The following HES1 variants were observed in gnomAD, a reference collection of about 807,000 sequenced individuals.
HES1 encodes transcription factor HES-1.
Under a neutral mutation model 21.0 loss-of-function variants are expected in HES1, and 7 were observed. That is an observed-to-expected ratio of 0.33 (90% CI 0.19 to 0.63). The LOEUF (loss-of-function observed/expected upper bound fraction) is 0.63. Among genes scored for constraint, HES1 ranks in the 20% least tolerant of loss-of-function variants. HES1 has a pLI of 0.78. For synonymous variants in HES1, 169 were observed against 171.2 expected, an observed-to-expected ratio of 0.99 and a Z score of 0.10; for missense variants, 338 against 389.8, an observed-to-expected ratio of 0.87 and a Z score of 1.12.
At chr3:194,136,571 G>A (rs765207361) in intron 1 of HES1, 46 bp from the exon 2 acceptor site, 1 of 1,575,870 alleles carries the variant, frequency 6.3e-7, no homozygotes, top group South Asian at 1.1e-5. Context: ...GAAACCCCGG[G>A]ATGGCAGATT....
At position 194,138,483 on chromosome 3, in the gene HES1, A is replaced by C; in HGVS notation, c.*250A>C. ...CCTTTGTATTATAAAAGCTCAGATG[A>C]CATTTCGTTTTTTACACGAGATTTC... On this transcript the variant is annotated 3_prime_UTR_variant, in exon 4 of 4. Transcript: ENST00000232424. The C allele has an allele frequency of 2.7e-6, 1 of 375,776 alleles. No individual in the cohort carries two copies. The highest frequency in any genetic ancestry group is 3.9e-5 in the East Asian group (1 of 25,666). The allele number at this position is 375,776 out of a possible 1,614,324, so 23.3% of individuals were successfully genotyped here.
rs768393487 is a variant in HES1, at chr3:194,136,695, G to A, written c.187G>A (p.Asp63Asn). The change falls in exon 2 of 4, where the codon GAT becomes AAT. Residue 63 changes from aspartate (D) to asparagine (N), a missense_variant. Asp to Asn is a conservative substitution (Grantham distance 23, BLOSUM62 1). Transcript: ENST00000232424. ...SLSQLKTLILDALKKDSSRHS... is the reference protein window; with the variant it reads ...SLSQLKTLILNALKKDSSRHS... ...GAGCCAGCTGAAAACACTGATTTTGGATGCTCTGAAGAAAGATGTAAGTGG... is the reference window on the plus strand; with the variant it reads ...GAGCCAGCTGAAAACACTGATTTTGAATGCTCTGAAGAAAGATGTAAGTGG... 6.2e-7 allele frequency: 1 copy of A among 1,613,396 alleles called. No individual in the cohort carries two copies. The highest frequency in any genetic ancestry group is 1.7e-5 in the Admixed American group (1 of 60,012).
At position 194,138,149 on chromosome 3, in the gene HES1, C is replaced by A. The variant is rs1277913928; in HGVS notation, c.759C>A (p.Gly253=). 6.2e-7 allele frequency: 1 copy of A among 1,612,614 alleles called. No homozygotes were observed. The highest frequency in any genetic ancestry group is 2.2e-5 in the East Asian group (1 of 44,838). The change falls in exon 4 of 4, where the codon GGC becomes GGA. Residue 253 remains glycine (G), a synonymous_variant. Transcript: ENST00000232424. ...TCCCCGTCTACACCAGCAACAGCGGCACCTCCGTGGGCCCCAACGCAGTGT... is the reference window on the plus strand; with the variant it reads ...TCCCCGTCTACACCAGCAACAGCGGAACCTCCGTGGGCCCCAACGCAGTGT... The part of the protein sequence containing the change: ...PVIPVYTSNS[G]TSVGPNAVSP...
chr3:194,136,361 A>AC lies in HES1; in HGVS notation c.-20_-19insC. Reference sequence around the variant, plus strand: ...CCAAAAATAAAATTCTCTAGAGATAAAAAAAAAAAAAAAAGGAAAATGCCA... The same window carrying AC: ...CCAAAAATAAAATTCTCTAGAGATAACAAAAAAAAAAAAAAGGAAAATGCCA... On this transcript the variant is annotated 5_prime_UTR_variant, in exon 1 of 4. Transcript: ENST00000232424. The AC allele has an allele frequency of 1.3e-6, 1 of 750,750 alleles. No individual in the cohort carries two copies. The highest frequency in any genetic ancestry group is 1.9e-6 in the Non-Finnish European group (1 of 535,542). The allele number at this position is 750,750 out of a possible 1,614,324, so 46.5% of individuals were successfully genotyped here.
In HES1 at chr3:194,137,201, A is replaced by C. The variant is rs2108588743; in HGVS notation, c.292+153A>C. 3 of 675,690 alleles carry C rather than the reference A, an allele frequency of 4.4e-6. No individual in the cohort carries two copies. The South Asian group carries it at 5.3e-5, about 12-fold the overall frequency. The allele number at this position is 675,690 out of a possible 1,614,324, so 41.9% of individuals were successfully genotyped here. On this transcript the variant is annotated intron_variant, in intron 3 of 3. Coordinates refer to ENST00000232424, the MANE Select transcript of HES1 (RefSeq NM_005524.4). This position sits in a 1 kb window ranked among gnomAD's most constrained non-coding sequence, Gnocchi z 5.4. ...TTCCCACGGTCTGGGGCTTATTTATAGCCACAACTCCAAGTTGTTACTGTT... is the reference window on the plus strand; with the variant it reads ...TTCCCACGGTCTGGGGCTTATTTATCGCCACAACTCCAAGTTGTTACTGTT...
At chr3:194,136,767 C>T (rs1190821548) in intron 2 of HES1, 55 bp downstream of exon 2, 1 of 1,515,670 alleles carries the variant, frequency 6.6e-7, no homozygotes, top group South Asian at 1.1e-5. Context: ...ACTTTCTCAG[C>T]TACTAAGAGT....
At position 194,138,002 on chromosome 3, in the gene HES1, G is replaced by A; in HGVS notation, c.612G>A (p.Lys204=). Residue 204 remains lysine (K), a synonymous_variant, in exon 4 of 4, where the codon AAG becomes AAA. Transcript: ENST00000232424. ...CCCCTCCCGGCGGCGCCCCCTGCAA[G>A]CTGGGCAGCCAGGCTGGAGAGGCGG... The part of the protein sequence containing the change: ...AAPPPGGAPC[K]LGSQAGEAAK... 11 of 1,485,144 alleles carry A rather than the reference G, an allele frequency of 7.4e-6. No homozygotes were observed. The highest frequency in any genetic ancestry group is 9.9e-6 in the Non-Finnish European group (11 of 1,111,386). The allele number at this position is 1,485,144 out of a possible 1,614,324, so 92.0% of individuals were successfully genotyped here.
In HES1 at chr3:194,138,020, A is replaced by T; in HGVS notation, c.630A>T (p.Gly210=). Residue 210 remains glycine (G), a synonymous_variant, in exon 4 of 4, where the codon GGA becomes GGT. Transcript: ENST00000232424. ...CCTGCAAGCTGGGCAGCCAGGCTGG[A>T]GAGGCGGCTAAGGTGTTTGGAGGCT... The part of the protein sequence containing the change: ...GAPCKLGSQA[G]EAAKVFGGFQ... 1 of 1,534,390 alleles carries T rather than the reference A, an allele frequency of 6.5e-7. No individual in the cohort carries two copies. Among genetic ancestry groups the T allele is most frequent in the South Asian group, 1.2e-5 (1 of 83,242 alleles).
Position 194,137,607 on chromosome 3 carries a change from G to A in HES1, c.293-76G>A. The A allele has an allele frequency of 7.0e-7, 1 of 1,425,480 alleles. No homozygotes were observed. The highest frequency in any genetic ancestry group is 1.5e-5 in the South Asian group (1 of 66,278). The allele number at this position is 1,425,480 out of a possible 1,614,324, so 88.3% of individuals were successfully genotyped here. ...GCATGGTCAGGGAGGCGCGCCACAGGGACCTCCCAGGGCGGAGGCAGTGGC... is the reference window on the plus strand; with the variant it reads ...GCATGGTCAGGGAGGCGCGCCACAGAGACCTCCCAGGGCGGAGGCAGTGGC... On this transcript the variant is annotated intron_variant, in intron 3 of 3. Coordinates refer to ENST00000232424, the MANE Select transcript of HES1 (RefSeq NM_005524.4). This position sits in a 1 kb window ranked among gnomAD's most constrained non-coding sequence, Gnocchi z 5.4.
rs1265436991 is a variant in HES1, at chr3:194,138,670, ACATGTAATTGGTAATT to A, written c.*440_*455del. 3 of 154,066 alleles carry A rather than the reference ACATGTAATTGGTAATT, an allele frequency of 1.9e-5. No individual in the cohort carries two copies. Among genetic ancestry groups the A allele is most frequent in the Non-Finnish European group, 4.3e-5 (3 of 69,388 alleles). The allele number at this position is 154,066 out of a possible 1,614,324, so 9.5% of individuals were successfully genotyped here. On this transcript the variant is annotated 3_prime_UTR_variant, in exon 4 of 4. Transcript: ENST00000232424. ...AAAGGCTTTTGGTGGAATTTGAATTACATGTAATTGGTAATTCAGGAATTGACTCTTTTGTTATTAA... is the reference window on the plus strand; with the variant it reads ...AAAGGCTTTTGGTGGAATTTGAATTACAGGAATTGACTCTTTTGTTATTAA...
chr3:194,138,026 G>C lies in HES1; in HGVS notation c.636G>C (p.Ala212=), dbSNP rs778486827. 1.3e-6 allele frequency: 2 copies of C among 1,578,616 alleles called. No homozygotes were observed. The highest frequency in any genetic ancestry group is 1.7e-6 in the Non-Finnish European group (2 of 1,163,772). The change falls in exon 4 of 4, where the codon GCG becomes GCC. Residue 212 remains alanine (A), a synonymous_variant. Coordinates refer to ENST00000232424, the MANE Select transcript of HES1 (RefSeq NM_005524.4). ...PCKLGSQAGE[A]AKVFGGFQVV... ...AGCTGGGCAGCCAGGCTGGAGAGGCGGCTAAGGTGTTTGGAGGCTTCCAGG... is the reference window on the plus strand; with the variant it reads ...AGCTGGGCAGCCAGGCTGGAGAGGCCGCTAAGGTGTTTGGAGGCTTCCAGG...
Position 194,136,412 on chromosome 3 carries a change from C to T in HES1, c.32C>T (p.Ser11Leu), listed in dbSNP as rs1266149420. 4 of 1,605,522 alleles carry T rather than the reference C, an allele frequency of 2.5e-6. No homozygotes were observed. Among genetic ancestry groups the T allele is most frequent in the African/African-American group, 2.7e-5 (2 of 73,764 alleles). The stretch of plus-strand genomic sequence containing the variant: ...GCTGATATAATGGAGAAAAATTCCT[C>T]GTCCCCGGTGGCTGCTACCCCAGCC... MPADIMEKNSSSPVAATPASV... is the reference protein window; with the variant it reads MPADIMEKNSLSPVAATPASV... Residue 11 changes from serine (S) to leucine (L), a missense_variant, in exon 1 of 4, where the codon TCG (serine) becomes TTG (leucine). Coordinates refer to ENST00000232424, the MANE Select transcript of HES1 (RefSeq NM_005524.4).
In HES1 at chr3:194,137,199, A is replaced by ATAGCCACAACTCC. The variant is rs1281623415; in HGVS notation, c.292+152_292+164dup. On this transcript the variant is annotated intron_variant, in intron 3 of 3. Coordinates refer to ENST00000232424, the MANE Select transcript of HES1 (RefSeq NM_005524.4). The surrounding 1 kb of genome is among the most constrained non-coding windows in gnomAD (Gnocchi z 5.4). ...CGTTCCCACGGTCTGGGGCTTATTT[A>ATAGCCACAACTCC]TAGCCACAACTCCAAGTTGTTACTG... 1.5e-6 allele frequency: 1 copy of ATAGCCACAACTCC among 680,126 alleles called. No homozygotes were observed. Among genetic ancestry groups the ATAGCCACAACTCC allele is most frequent in the Non-Finnish European group, 2.6e-6 (1 of 384,668 alleles). 42.1% of individuals were successfully genotyped at this position (680,126 alleles called of 1,614,324 possible). A position where few individuals can be genotyped will look rare whatever the true frequency, so the allele number is the denominator to read the frequency against.
chr3:194,137,802 C>G lies in HES1; in HGVS notation c.412C>G (p.Arg138Gly), dbSNP rs1715383118. Residue 138 changes from arginine (R) to glycine (G), a missense_variant, in exon 4 of 4, where the codon CGG (arginine) becomes GGG (glycine). Arg to Gly is a moderately radical substitution (Grantham distance 125, BLOSUM62 -2). Coordinates refer to ENST00000232424, the MANE Select transcript of HES1 (RefSeq NM_005524.4). The surrounding 1 kb of genome is among the most constrained non-coding windows in gnomAD (Gnocchi z 5.4). Reference sequence around the variant, plus strand: ...GGGCGTTAATACCGAGGTGCGCACTCGGCTGCTCGGCCACCTGGCCAACTG... The same window carrying G: ...GGGCGTTAATACCGAGGTGCGCACTGGGCTGCTCGGCCACCTGGCCAACTG... ...CEGVNTEVRT[R>G]LLGHLANCMT... The G allele has an allele frequency of 6.2e-7, 1 of 1,613,384 alleles. No homozygotes were observed. Among genetic ancestry groups the G allele is most frequent in the African/African-American group, 1.3e-5 (1 of 74,930 alleles).
rs773305397 is a variant in HES1, at chr3:194,136,358, A to AT, written c.-22dup. On this transcript the variant is annotated 5_prime_UTR_variant, in exon 1 of 4. Coordinates refer to ENST00000232424, the MANE Select transcript of HES1 (RefSeq NM_005524.4). ...ACTCCAAAAATAAAATTCTCTAGAG[A>AT]TAAAAAAAAAAAAAAAAGGAAAATG... 213 of 1,320,918 alleles carry AT rather than the reference A, an allele frequency of 1.6e-4. No individual in the cohort carries two copies. Among genetic ancestry groups the AT allele is most frequent in the Admixed American group, 3.8e-4 (15 of 39,792 alleles). The allele number at this position is 1,320,918 out of a possible 1,614,324, so 81.8% of individuals were successfully genotyped here.
chr3:194,136,804 C>G, intron 2 of HES1, 92 bp downstream of exon 2: 1 of 1,399,414 alleles, frequency 7.1e-7, no homozygotes, highest in South Asian at 1.2e-5. Context: ...CGGGGTCTGG[C>G]ACTCGCTGGT....
rs1715373321 is a variant in HES1 at position 194,137,475 on chromosome 3, G to T, written c.293-208G>T. On this transcript the variant is annotated intron_variant, in intron 3 of 3. Coordinates refer to ENST00000232424, the MANE Select transcript of HES1 (RefSeq NM_005524.4). The surrounding 1 kb of genome is among the most constrained non-coding windows in gnomAD (Gnocchi z 5.4). The stretch of plus-strand genomic sequence containing the variant: ...AGATAGGTTTAAATGCAGCTACAGG[G>T]AATCGGGAAGGAGTGGCTCGGCTTT... 6.6e-6 allele frequency among the ~76,000 whole-genome samples: 1 copy of T among 152,220 alleles called. No homozygotes were observed. Among genetic ancestry groups the T allele is most frequent in the Non-Finnish European group, 1.5e-5 (1 of 68,040 alleles).
chr3:194,136,794 C>A, intron 2 of HES1, 82 bp downstream of exon 2: 1 of 1,433,944 alleles, frequency 7.0e-7, no homozygotes, highest in Non-Finnish European at 9.8e-7. Flanking sequence ...CCCCGCCCTG[C>A]GGGGTCTGGC....
chr3:194,136,457 A>G lies in HES1; in HGVS notation c.77A>G (p.Asp26Gly), dbSNP rs1431383663. 1 of 1,611,356 alleles carries G rather than the reference A, an allele frequency of 6.2e-7. No homozygotes were observed. Among genetic ancestry groups the G allele is most frequent in the Non-Finnish European group, 8.5e-7 (1 of 1,179,322 alleles). ...ATPASVNTTP[D>G]KPKTASEHRK... The stretch of plus-strand genomic sequence containing the variant: ...CCAGCCAGTGTCAACACGACACCGG[A>G]TAAACCAAAGACAGCATCTGAGCAC... Residue 26 changes from aspartate to glycine, a missense_variant, in exon 1 of 4, where the codon GAT becomes GGT. Asp to Gly is a moderately conservative substitution (Grantham distance 94). Transcript: ENST00000232424.
Sources: allele counts gnomAD v4.1 joint callset (sites outside exome capture counted in the v4.1 genomes callset), GRCh38; gene constraint gnomAD v4.1.1; non-coding constraint Gnocchi (gnomAD v3.1); transcripts MANE v1.5; gene names NCBI Gene and HGNC (gene_info 2026-07-23, HGNC 2026-07-21).